SEMA7A: variants seen among roughly 807,000 people sequenced by gnomAD.
The protein encoded by SEMA7A is semaphorin-7A.
SEMA7A carries 21 observed loss-of-function variants against 67.5 expected under a neutral mutation model. The ratio of observed to expected loss-of-function variants is 0.31; its 90% confidence interval spans 0.22 to 0.45. The LOEUF is 0.45. Ranked by LOEUF, SEMA7A falls within the 20% of genes least tolerant of loss-of-function variation. SEMA7A has a pLI of 1.00. For synonymous variants in SEMA7A, 364 were observed against 368.5 expected (o/e 0.99, Z 0.14); for missense variants, 774 against 908.6 (o/e 0.85, Z 1.90).
At chr15:74,433,328 A>G (rs1342063436) in intron 1 of SEMA7A, among the ~76,000 whole-genome samples, 3 of 150,028 alleles carry the variant, frequency 2.0e-5, no homozygotes, top group Non-Finnish European at 4.4e-5. Flanking sequence ...GCGCGCCAGC[A>G]GAGCCCGCAG....
intron 1 of SEMA7A, 71 bp from the exon 2 acceptor site, chr15:74,419,023 A>T: frequency 6.5e-7 from 1 of 1,531,854 alleles, no homozygotes. Flanking sequence ...TCCCCTCCAC[A>T]TGGCACACTG....
intron 5 of SEMA7A, 60 bp from the exon 6 acceptor site, chr15:74,417,505 C>T (rs764972668): frequency 3.7e-5 from 59 of 1,585,142 alleles, no homozygotes; most frequent in Middle Eastern, 3.3e-4. Flanking sequence ...GTCCCTCCTC[C>T]GGACACTGGA....
chr15:74,416,859 A>G, intron 6 of SEMA7A, 145 bp from the exon 7 acceptor site: 1 of 881,426 alleles, frequency 1.1e-6, no homozygotes, highest in East Asian at 2.5e-5. Context: ...ATCAGGTCCA[A>G]CTCCCCGAGG....
In SEMA7A at chr15:74,417,631, G is replaced by A. The variant is rs764369346; in HGVS notation, c.510C>T (p.Ala170=). 2 of 1,612,826 alleles carry A rather than the reference G, an allele frequency of 1.2e-6. No homozygotes were observed. The highest frequency in any genetic ancestry group is 8.5e-7 in the Non-Finnish European group (1 of 1,179,928). The change falls in exon 5 of 14, where the codon GCC becomes GCT. Residue 170 remains alanine, a synonymous_variant. Coordinates refer to ENST00000261918, the MANE Select transcript of SEMA7A (RefSeq NM_003612.5). ...VVPLGEMRGY[A]PFSPDENSLV... is the part of the protein sequence containing the mutation. ...GGGAGTTCTCGTCCGGGCTGAAGGG[G>A]GCGTAGCCTCTCATCTCGCCAAGTG...
rs773076021 is a variant in SEMA7A, at chr15:74,433,838, A to C, written c.81T>G (p.Leu27=). ...RVPGPPARLG[L]PLRLRLLLLL... ...GCAGCAGCAGCCGCAGCCGCAGCGG[A>C]AGCCCCAACCGAGCCGGCGGGCCAG... is the stretch of plus-strand genomic sequence containing the variant. The change falls in exon 1 of 14, where the codon CTT becomes CTG. Residue 27 remains leucine, a synonymous_variant. Transcript: ENST00000261918. The C allele has an allele frequency of 6.7e-6, 9 of 1,348,342 alleles. No homozygotes were observed. In the South Asian group the frequency reaches 1.7e-4, roughly 26 times the overall value. The allele number at this position is 1,348,342 out of a possible 1,614,324, so 83.5% of individuals were successfully genotyped here. A position where few individuals can be genotyped will look rare whatever the true frequency, so the allele number is the denominator to read the frequency against.
chr15:74,417,608 G>C lies in SEMA7A; in HGVS notation c.533C>G (p.Ser178Cys), dbSNP rs772921848. ...TGCCCTACCTTCAAACAGAACCAGG[G>C]AGTTCTCGTCCGGGCTGAAGGGGGC... is the stretch of plus-strand genomic sequence containing the variant. ...GYAPFSPDEN[S>C]LVLFEGDEVY... The change falls in exon 5 of 14, where the codon TCC becomes TGC. Residue 178 changes from serine to cysteine, a missense_variant. Transcript: ENST00000261918. The C allele has an allele frequency of 2.0e-5, 33 of 1,612,916 alleles. No homozygotes were observed. The highest frequency in any genetic ancestry group is 1.4e-5 in the Non-Finnish European group (16 of 1,179,900).
At chr15:74,431,946 C>A (rs1344164749) in intron 1 of SEMA7A, among the ~76,000 whole-genome samples, 1 of 151,956 alleles carries the variant, frequency 6.6e-6, no homozygotes, top group Non-Finnish European at 1.5e-5. Flanking sequence ...GAACTGCGGG[C>A]GGGGGGGTAG....
chr15:74,433,689 G>A lies in SEMA7A; in HGVS notation c.178+52C>T, dbSNP rs1213637885. On this transcript the variant is annotated intron_variant, in intron 1 of 13. Transcript: ENST00000261918. Reference sequence around the variant, plus strand: ...TCCGGGTGCAGCACACTCCGCACCCGCCCCGCGCAGCGTCTGATCCCGCGC... The same window carrying A: ...TCCGGGTGCAGCACACTCCGCACCCACCCCGCGCAGCGTCTGATCCCGCGC... The A allele has an allele frequency of 3.6e-6, 5 of 1,376,248 alleles. No homozygotes were observed. In the African/African-American group the frequency reaches 4.6e-5, roughly 13 times the overall value. The allele number at this position is 1,376,248 out of a possible 1,614,324, so 85.3% of individuals were successfully genotyped here.
In SEMA7A at chr15:74,410,800, C is replaced by T; in HGVS notation, c.1825G>A (p.Gly609Ser). 1 of 1,614,198 alleles carries T rather than the reference C, an allele frequency of 6.2e-7. No individual in the cohort carries two copies. Among genetic ancestry groups the T allele is most frequent in the Non-Finnish European group, 8.5e-7 (1 of 1,180,040 alleles). The change falls in exon 14 of 14, where the codon GGC (glycine) becomes AGC (serine). Residue 609 changes from glycine to serine, a missense_variant. Physicochemically the swap from Gly to Ser is moderately conservative, Grantham distance 56. This residue lies in a region of SEMA7A where 427 missense variants were observed against 555.4 expected (regional missense o/e 0.77). Transcript: ENST00000261918. The surrounding 1 kb of genome is among the most constrained non-coding windows in gnomAD (Gnocchi z 7.5). ...TCCTGGGCCTCGCAGAAGTAGTGGC[C>T]GTACTGCTGCGCCGTGAGGTTCTCG... ...FIENLTAQQY[G>S]HYFCEAQEGS... is the part of the protein sequence containing the mutation.
At chr15:74,427,239 G>C in intron 1 of SEMA7A, 1 of 985,438 alleles carries the variant, frequency 1.0e-6, no homozygotes, top group Non-Finnish European at 1.2e-6. Context: ...ATGGGGCCCT[G>C]AAGGTGAGGA....
intron 10 of SEMA7A, among the ~76,000 whole-genome samples, chr15:74,412,564 T>A (rs2060911191): frequency 6.6e-6 from 1 of 152,174 alleles, no homozygotes; most frequent in African/African-American, 2.4e-5. Flanking sequence ...TACATTTTTT[T>A]TTTATTTTGG....
In SEMA7A at chr15:74,417,341, T is replaced by G. The variant is rs1308264588; in HGVS notation, c.655A>C (p.Met219Leu). ...ESELYTSDTV[M>L]QNPQFIKATI... The stretch of plus-strand genomic sequence containing the variant: ...CAGCCGGAGCCTGACTCACTCTGCA[T>G]GACAGTATCACTGGTGTACAGCTCA... Residue 219 changes from methionine to leucine, a missense_variant, in exon 6 of 14, where the codon ATG (methionine) becomes CTG (leucine). Physicochemically the swap from Met to Leu is conservative, Grantham distance 15. Transcript: ENST00000261918. 2.5e-6 allele frequency: 4 copies of G among 1,613,310 alleles called. No homozygotes were observed. Among genetic ancestry groups the G allele is most frequent in the African/African-American group, 1.3e-5 (1 of 74,912 alleles).
intron 10 of SEMA7A, 110 bp from the exon 11 acceptor site, chr15:74,412,122 G>T: frequency 7.5e-7 from 1 of 1,333,512 alleles, no homozygotes; most frequent in Non-Finnish European, 1.0e-6. Flanking sequence ...AAGGGTCACA[G>T]GACTGGTGTG....
At chr15:74,415,716 A>C (rs2060942288) in intron 8 of SEMA7A, 85 bp downstream of exon 8, 1 of 1,329,076 alleles carries the variant, frequency 7.5e-7, no homozygotes, top group East Asian at 2.5e-5. Flanking sequence ...CACACCAGGG[A>C]GGCCCTCAGC....
Position 74,415,204 on chromosome 15 carries a change from T to A in SEMA7A, c.987-258A>T, listed in dbSNP as rs138768726. Among the ~76,000 whole-genome samples, 823 of 152,206 alleles carry A rather than the reference T, an allele frequency of 5.4e-3. 8 individuals are homozygous for A. Among genetic ancestry groups the A allele is most frequent in the African/African-American group, 0.019 (787 of 41,516 alleles). On this transcript the variant is annotated intron_variant, in intron 8 of 13. Coordinates refer to ENST00000261918, the MANE Select transcript of SEMA7A (RefSeq NM_003612.5). The stretch of plus-strand genomic sequence containing the variant: ...CAACCCCAAGGCAGGAGGAACCCCA[T>A]CATAGGCTGAGCAGTTCTCTAGCCC...
In SEMA7A at chr15:74,418,781, G is replaced by A. The variant is rs28362909; in HGVS notation, c.330+20C>T. On this transcript the variant is annotated intron_variant, in intron 2 of 13. Transcript: ENST00000261918. ...GAGATAAGAGGGTAGGGGGGGTGTTGGGGGAAGAGAGAGGCTCACCGTGCG... is the reference window on the plus strand; with the variant it reads ...GAGATAAGAGGGTAGGGGGGGTGTTAGGGGAAGAGAGAGGCTCACCGTGCG... 1.9e-4 allele frequency: 310 copies of A among 1,611,076 alleles called. 2 individuals are homozygous for A. In the African/African-American group the frequency reaches 3.8e-3, roughly 20 times the overall value.
Position 74,411,380 on chromosome 15 carries a change from G to T in SEMA7A, c.1578-24C>A, listed in dbSNP as rs1459347024. On this transcript the variant is annotated intron_variant, in intron 12 of 13. Transcript: ENST00000261918. This position sits in a 1 kb window ranked among gnomAD's most constrained non-coding sequence, Gnocchi z 4.4. ...ACCTGGAGTGGGAAGGACGAAAGAG[G>T]ATCAGCAGATACAAGGCTGCAGACC... 6.2e-7 allele frequency: 1 copy of T among 1,612,350 alleles called. No homozygotes were observed. The highest frequency in any genetic ancestry group is 8.5e-7 in the Non-Finnish European group (1 of 1,179,082).
intron 1 of SEMA7A, among the ~76,000 whole-genome samples, chr15:74,431,115 C>T (rs1018161792): frequency 7.2e-5 from 11 of 152,200 alleles, no homozygotes; most frequent in African/African-American, 2.7e-4. Flanking sequence ...AGCCCCAGCC[C>T]TCACCTGCAA....
intron 1 of SEMA7A, chr15:74,433,493 T>C: frequency 1.8e-6 from 2 of 1,108,772 alleles, no homozygotes; most frequent in Non-Finnish European, 2.2e-6. Context: ...GCCAGGGACT[T>C]GGTGCGACTT....
Sources: allele counts gnomAD v4.1 joint callset (sites outside exome capture counted in the v4.1 genomes callset), GRCh38; gene constraint gnomAD v4.1.1; regional missense constraint gnomAD v4.1.1; non-coding constraint Gnocchi (gnomAD v3.1); transcripts MANE v1.5; gene names NCBI Gene and HGNC (gene_info 2026-07-23, HGNC 2026-07-21).